The following PCNT variants were observed in gnomAD, a reference collection of about 807,000 sequenced individuals.
The protein encoded by PCNT is kendrin.
PCNT carries 319 observed loss-of-function variants against 380.4 expected under a neutral mutation model. The ratio of observed to expected loss-of-function variants is 0.84; its 90% CI spans 0.77 to 0.92. The LOEUF (loss-of-function observed/expected upper bound fraction) is 0.92. Among genes scored for constraint, PCNT ranks in the 40% least tolerant of loss-of-function variants. The pLI, the probability that PCNT is intolerant of heterozygous loss-of-function variation, is 0.00. For synonymous variants in PCNT, 1,845 were observed against 1,735.2 expected (o/e 1.06, Z -1.57); for missense variants, 4,400 against 4,255.3 (o/e 1.03, Z -0.95).
At chr21:46,423,782 GGGGAGGGGAGGAGGAAGAGAAGGGGGAGT>G (rs2087364779) in intron 32 of PCNT, among the ~76,000 whole-genome samples, 3 of 103,392 alleles carry the variant, frequency 2.9e-5, no homozygotes, top group African/African-American at 1.0e-4. Flanking sequence ...GGATGAGGAG[GGGGAGGGGAGGAGGAAGAGAAGGGGGAGT>G]GGGAGGGGAG....
chr21:46,346,722 G>T, intron 4 of PCNT, 21 bp from the exon 5 acceptor site: 1 of 1,588,442 alleles, frequency 6.3e-7, no homozygotes, highest in East Asian at 2.3e-5. Context: ...GCCCTTATCA[G>T]AGGCCTTTTC....
intron 39 of PCNT, 76 bp from the exon 40 acceptor site, chr21:46,436,903 G>A (rs1027657820): frequency 4.5e-5 from 47 of 1,036,374 alleles, no homozygotes; most frequent in East Asian, 4.3e-4. Context: ...CTCTTGAGCC[G>A]TGAGCTCTTG....
chr21:46,444,580 C>T lies in PCNT; in HGVS notation c.9840-114C>T, dbSNP rs1036227057. 3.5e-6 allele frequency: 4 copies of T among 1,135,362 alleles called. No homozygotes were observed. In the African/African-American group the frequency reaches 6.2e-5, roughly 17 times the overall value. The allele number at this position is 1,135,362 out of a possible 1,614,324, so 70.3% of individuals were successfully genotyped here. A position where few individuals can be genotyped will look rare whatever the true frequency, so the allele number is the denominator to read the frequency against. ...CCCAGAGTCACCCATCCCCACGGGT[C>T]TGGTTGGCGGGGCTGGTGCCTTTCT... On this transcript the variant is annotated intron_variant, in intron 45 of 46. Transcript: ENST00000359568.
intron 15 of PCNT, among the ~76,000 whole-genome samples, chr21:46,373,061 G>A (rs866480584): frequency 2.6e-5 from 4 of 152,098 alleles, no homozygotes; most frequent in East Asian, 3.9e-4. Flanking sequence ...TTGCTCTGTC[G>A]CCCAGGCCGA....
intron 38 of PCNT, among the ~76,000 whole-genome samples, chr21:46,433,804 C>T (rs983998247): frequency 2.6e-5 from 4 of 152,056 alleles, no homozygotes; most frequent in African/African-American, 9.7e-5. Context: ...TAGAGTCTCG[C>T]TCTGTCTTCC....
Position 46,425,716 on chromosome 21 carries a change from C to T in PCNT, c.7180-115C>T. On this transcript the variant is annotated intron_variant, in intron 32 of 46. Transcript: ENST00000359568. The surrounding 1 kb of genome is among the most constrained non-coding windows in gnomAD (Gnocchi z 4.2). ...GAAGCCGAGGCGGTGCCCTCCCTCTCCACAGCTGCCCGCCCTTCACAGAGT... is the reference window on the plus strand; with the variant it reads ...GAAGCCGAGGCGGTGCCCTCCCTCTTCACAGCTGCCCGCCCTTCACAGAGT... The T allele has an allele frequency of 2.0e-6, 3 of 1,492,526 alleles. No homozygotes were observed. The highest frequency in any genetic ancestry group is 1.8e-6 in the Non-Finnish European group (2 of 1,081,304). 92.5% of individuals were successfully genotyped at this position (1,492,526 alleles called of 1,614,324 possible). A position where few individuals can be genotyped will look rare whatever the true frequency, so the allele number is the denominator to read the frequency against.
rs754745086 is a variant in PCNT at position 46,411,638 on chromosome 21, G to A, written c.5565G>A (p.Arg1855=). 6.2e-7 allele frequency: 1 copy of A among 1,613,068 alleles called. No homozygotes were observed. Among genetic ancestry groups the A allele is most frequent in the Non-Finnish European group, 8.5e-7 (1 of 1,179,874 alleles). ...CTGAGGTCGAAGACATGGCCTCCCGGATCCAGGAGTTCGAAGCGGCCCTGA... is the reference window on the plus strand; with the variant it reads ...CTGAGGTCGAAGACATGGCCTCCCGAATCCAGGAGTTCGAAGCGGCCCTGA... ...REAEVEDMAS[R]IQEFEAALKA... Residue 1855 remains arginine, a synonymous_variant, in exon 28 of 47, where the codon CGG becomes CGA. Transcript: ENST00000359568.
intron 14 of PCNT, 144 bp from the exon 15 acceptor site, chr21:46,366,440 A>G: frequency 1.4e-6 from 1 of 733,844 alleles, no homozygotes; most frequent in Non-Finnish European, 2.4e-6. Flanking sequence ...GGTCGAGGGA[A>G]AAGTAGTAAG....
intron 33 of PCNT, 60 bp from the exon 34 acceptor site, chr21:46,427,562 T>C (rs557732449): frequency 7.4e-5 from 119 of 1,605,378 alleles, no homozygotes; most frequent in South Asian, 6.6e-4. Flanking sequence ...CTGCGAACTT[T>C]AGGGCACAAG....
intron 14 of PCNT, 28 bp from the exon 15 acceptor site, chr21:46,366,556 C>T: frequency 6.3e-7 from 1 of 1,595,100 alleles, no homozygotes; most frequent in Non-Finnish European, 8.6e-7. Flanking sequence ...GCATGTTTAA[C>T]TGTCCTGTGT....
intron 27 of PCNT, among the ~76,000 whole-genome samples, chr21:46,409,299 C>T (rs1160280831): frequency 6.6e-6 from 1 of 151,360 alleles, no homozygotes; most frequent in African/African-American, 2.4e-5. Flanking sequence ...AGCAGTCCTC[C>T]TGTCTCAGCC....
chr21:46,371,923 A>G (rs2085147590), intron 15 of PCNT, among the ~76,000 whole-genome samples: 1 of 150,408 alleles, frequency 6.6e-6, no homozygotes, highest in Non-Finnish European at 1.5e-5. Context: ...CGCACACAGC[A>G]CATGCGCATG....
At position 46,416,020 on chromosome 21, in the gene PCNT, C is replaced by T. The variant is rs746556566; in HGVS notation, c.6151-49C>T. On this transcript the variant is annotated intron_variant, in intron 29 of 46. Transcript: ENST00000359568. ...TCATTAACACCAGACAGGTGCGACT[C>T]CTGGTGAGCCAGGTATTCCACCGTG... The T allele has an allele frequency of 1.9e-6, 3 of 1,597,350 alleles. No individual in the cohort carries two copies. The African/African-American group carries it at 4.0e-5, about 21-fold the overall frequency.
At chr21:46,444,501 G>A (rs1812777038) in intron 45 of PCNT, among the ~76,000 whole-genome samples, 193 bp from the exon 46 acceptor site, 1 of 152,180 alleles carries the variant, frequency 6.6e-6, no homozygotes, top group African/African-American at 2.4e-5. Flanking sequence ...TTGCACAGAA[G>A]CTTTTAAAGC....
rs762644532 is a variant in PCNT at position 46,412,057 on chromosome 21, C to A, written c.5984C>A (p.Pro1995His). The change falls in exon 28 of 47, where the codon CCT becomes CAT. Residue 1995 changes from proline to histidine, a missense_variant. By Grantham distance (77) the Pro-to-His change is moderately conservative (BLOSUM62 -2). Coordinates refer to ENST00000359568, the MANE Select transcript of PCNT (RefSeq NM_006031.6). ...GATGCTGCTTTGGAGCCGGTTGTCCCTGACCCACAGGTGGGCTCCCCCCGC... is the reference window on the plus strand; with the variant it reads ...GATGCTGCTTTGGAGCCGGTTGTCCATGACCCACAGGTGGGCTCCCCCCGC... ...SHDAALEPVV[P>H]DPQGDLQPVL... 1.2e-6 allele frequency: 2 copies of A among 1,607,030 alleles called. No individual in the cohort carries two copies. The highest frequency in any genetic ancestry group is 3.3e-5 in the Admixed American group (2 of 60,016).
chr21:46,326,426 A>C lies in PCNT; in HGVS notation c.104A>C (p.Glu35Ala). 1 of 1,614,208 alleles carries C rather than the reference A, an allele frequency of 6.2e-7. No homozygotes were observed. ...RKTKGDSSHSEKKTAKRKGSA... is the reference protein window; with the variant it reads ...RKTKGDSSHSAKKTAKRKGSA... ...ACAAAAGGTGACAGTTCGCATTCGG[A>C]GAAAAAGACGGCGAAGAGGAAGGGC... The change falls in exon 2 of 47, where the codon GAG becomes GCG. Residue 35 changes from glutamate to alanine, a missense_variant. Physicochemically the swap from Glu to Ala is moderately radical, Grantham distance 107. Coordinates refer to ENST00000359568, the MANE Select transcript of PCNT (RefSeq NM_006031.6).
intron 38 of PCNT, among the ~76,000 whole-genome samples, chr21:46,434,210 C>T (rs1281798747): frequency 1.3e-5 from 2 of 152,244 alleles, no homozygotes; most frequent in Non-Finnish European, 2.9e-5. Context: ...AATACAATCT[C>T]ATTAGTTCCT....
intron 2 of PCNT, 114 bp from the exon 3 acceptor site, chr21:46,334,283 T>G: frequency 1.4e-6 from 2 of 1,413,328 alleles, no homozygotes; most frequent in Middle Eastern, 4.6e-4. Context: ...GGAAGTGAGC[T>G]CTACTTGTTA....
At position 46,357,179 on chromosome 21, in the gene PCNT, C is replaced by T. The variant is rs878901647; in HGVS notation, c.2142C>T (p.Asp714=). The T allele has an allele frequency of 2.0e-5, 32 of 1,611,050 alleles. No homozygotes were observed. The highest frequency in any genetic ancestry group is 1.6e-4 in the Middle Eastern group (1 of 6,082). The change falls in exon 13 of 47, where the codon GAC becomes GAT. Residue 714 remains aspartate (D), a synonymous_variant. Transcript: ENST00000359568. ...GKLQHETRLK[D]DLEKVKHNLI... is the part of the protein sequence containing the mutation. ...TGCAGCATGAAACTCGTCTGAAGGA[C>T]GATTTGGAGAAGGTGAGTCGTGACT...
Sources: allele counts gnomAD v4.1 joint callset (sites outside exome capture counted in the v4.1 genomes callset), GRCh38; gene constraint gnomAD v4.1.1; non-coding constraint Gnocchi (gnomAD v3.1); transcripts MANE v1.5; gene names NCBI Gene and HGNC (gene_info 2026-07-23, HGNC 2026-07-21).